ZPBP: variants seen among roughly 807,000 people sequenced by gnomAD.
The protein encoded by ZPBP is zona pellucida binding protein.
ZPBP carries 26 observed loss-of-function variants against 44.8 expected under a neutral mutation model. The observed-to-expected ratio is 0.58, with a 90% CI of 0.43 to 0.81. The LOEUF (loss-of-function observed/expected upper bound fraction) is 0.81. Among genes scored for constraint, ZPBP ranks in the 30% least tolerant of loss-of-function variants. The pLI, the probability that ZPBP is intolerant of heterozygous loss-of-function variation, is 0.00. For missense variants in ZPBP, 409 were observed against 434.0 expected (o/e 0.94, Z 0.51); for synonymous variants, 174 against 153.2 (o/e 1.14, Z -1.00).
intron 1 of ZPBP, among the ~76,000 whole-genome samples, chr7:50,090,595 G>A (rs538792533): frequency 6.4e-4 from 88 of 137,536 alleles, no homozygotes; most frequent in Non-Finnish European, 2.2e-4. Flanking sequence ...ATATATATGC[G>A]TATATATGCG....
intron 7 of ZPBP, chr7:49,943,774 G>T: frequency 4.2e-6 from 1 of 240,006 alleles, no homozygotes; most frequent in Admixed American, 5.2e-5. Flanking sequence ...CCAGCAACCA[G>T]AACTACAACA....
intron 3 of ZPBP, among the ~76,000 whole-genome samples, chr7:50,078,405 A>G (rs1286182719): frequency 6.6e-6 from 1 of 151,632 alleles, no homozygotes; most frequent in African/African-American, 2.4e-5. Context: ...TAATTGGAAT[A>G]TTTATAACCT....
intron 3 of ZPBP, among the ~76,000 whole-genome samples, chr7:50,063,558 C>A (rs1257769892): frequency 6.6e-6 from 1 of 152,100 alleles, no homozygotes; most frequent in Non-Finnish European, 1.5e-5. Flanking sequence ...TAAGCAAGAA[C>A]CTACCAGTGA....
At chr7:49,962,410 C>T (rs1223839920) in intron 7 of ZPBP, among the ~76,000 whole-genome samples, 1 of 151,640 alleles carries the variant, frequency 6.6e-6, no homozygotes, top group African/African-American at 2.4e-5. Flanking sequence ...CATCTCAATT[C>T]GGGTGTAAAA....
intron 1 of ZPBP, among the ~76,000 whole-genome samples, chr7:49,926,259 C>T (rs1485540592): frequency 1.3e-5 from 2 of 152,218 alleles, no homozygotes; most frequent in Non-Finnish European, 2.9e-5. Flanking sequence ...TCTTGTGGAA[C>T]ATAATGCTCT....
chr7:50,056,430 T>G (rs1418371460), intron 4 of ZPBP: 3 of 152,212 alleles, frequency 2.0e-5, no homozygotes, highest in Non-Finnish European at 4.4e-5. Flanking sequence ...AGGAACCCTG[T>G]GATTACACTG....
At chr7:50,030,637 C>A (rs1799563650) in intron 5 of ZPBP, among the ~76,000 whole-genome samples, 2 of 151,964 alleles carry the variant, frequency 1.3e-5, no homozygotes, top group African/African-American at 4.8e-5. Flanking sequence ...ATTCATAAAC[C>A]ATTATAAATA....
intron 2 of ZPBP, among the ~76,000 whole-genome samples, chr7:49,877,479 AAAATATATATATATATATATAT>A (rs1381396731): frequency 7.8e-5 from 1 of 12,746 alleles, no homozygotes; most frequent in African/African-American, 3.8e-4. Flanking sequence ...AAAAAAAAAA[AAAATATATATATATATATATAT>A]ATATATATAT....
intron 4 of ZPBP, among the ~76,000 whole-genome samples, chr7:50,054,188 A>C (rs1800821375): frequency 6.6e-6 from 1 of 152,128 alleles, no homozygotes; most frequent in Non-Finnish European, 1.5e-5. Context: ...GATAGGAAAC[A>C]ATCTCTTAGA....
At chr7:49,982,999 A>G (rs1208217245) in intron 7 of ZPBP, among the ~76,000 whole-genome samples, 1 of 152,052 alleles carries the variant, frequency 6.6e-6, no homozygotes, top group Non-Finnish European at 1.5e-5. Flanking sequence ...TGTAGACTAT[A>G]CAAACCTAAA....
chr7:49,988,744 T>C (rs979479708), intron 6 of ZPBP, among the ~76,000 whole-genome samples: 2 of 152,148 alleles, frequency 1.3e-5, no homozygotes, highest in African/African-American at 4.8e-5. Flanking sequence ...ACTCTGGAGA[T>C]TGTGACATTG....
intron 6 of ZPBP, among the ~76,000 whole-genome samples, chr7:50,010,699 T>C (rs887349225): frequency 2.0e-5 from 3 of 151,992 alleles, no homozygotes; most frequent in Non-Finnish European, 4.4e-5. Flanking sequence ...AAAGAAATCA[T>C]AGATGACACT....
At chr7:49,854,524 T>G (rs1013252050) in intron 2 of ZPBP, among the ~76,000 whole-genome samples, 1 of 152,344 alleles carries the variant, frequency 6.6e-6, no homozygotes, top group East Asian at 1.9e-4. Context: ...TTGAGAAGTG[T>G]CTGTTCATAT....
At chr7:50,051,092 A>G (rs1208143184) in intron 4 of ZPBP, among the ~76,000 whole-genome samples, 1 of 151,900 alleles carries the variant, frequency 6.6e-6, no homozygotes, top group Non-Finnish European at 1.5e-5. Flanking sequence ...AATTTACAAG[A>G]AAAAAAACAA....
intron 2 of ZPBP, among the ~76,000 whole-genome samples, chr7:50,086,268 C>T (rs11185599): frequency 0.98 from 148,873 of 152,184 alleles, 72,830 homozygotes; most frequent in East Asian, 1. Context: ...CTATGTTATA[C>T]TATTATAAAT....
At chr7:50,020,625 C>T (rs1179667906) in intron 5 of ZPBP, among the ~76,000 whole-genome samples, 1 of 151,968 alleles carries the variant, frequency 6.6e-6, no homozygotes. Context: ...TATACAATCA[C>T]CTAGCTTTTT....
chr7:50,067,014 C>T (rs765090754), intron 3 of ZPBP, among the ~76,000 whole-genome samples: 4 of 152,190 alleles, frequency 2.6e-5, no homozygotes, highest in East Asian at 1.9e-4. Flanking sequence ...GACATGATCA[C>T]AATATGGGGC....
At chr7:49,873,666 A>G (rs965777777) in intron 2 of ZPBP, among the ~76,000 whole-genome samples, 9 of 152,230 alleles carry the variant, frequency 5.9e-5, no homozygotes, top group Non-Finnish European at 1.3e-4. Context: ...TGCAGTAATC[A>G]TGAATTTTTG....
At chr7:49,992,124 G>C (rs1340673727) in intron 6 of ZPBP, among the ~76,000 whole-genome samples, 2 of 152,056 alleles carry the variant, frequency 1.3e-5, no homozygotes, top group African/African-American at 2.4e-5. Context: ...AGGGTAGAGA[G>C]GTTGGAGGAG....
Sources: gnomAD v4.1 joint callset for allele counts (sites outside exome capture counted in the v4.1 genomes callset) on GRCh38, gnomAD v4.1.1 for gene constraint, MANE v1.5 for transcripts, NCBI Gene and HGNC (gene_info 2026-07-23, HGNC 2026-07-21) for gene names.